The following MOB3B variants were observed in gnomAD, a reference collection of about 807,000 sequenced individuals.
MOB3B encodes MOB kinase activator-like 2B.
A neutral mutation model predicts 18.7 loss-of-function variants in MOB3B; 7 were observed. The ratio of observed to expected loss-of-function variants is 0.37; its 90% CI spans 0.21 to 0.70. The LOEUF is 0.70. Ranked by LOEUF, MOB3B falls within the 30% of genes least tolerant of loss-of-function variation. The probability of loss-of-function intolerance (pLI) is 0.52; values close to 1 mark genes in which losing one functional copy is unlikely to be tolerated. For missense variants in MOB3B, 253 were observed against 281.3 expected (o/e 0.90, Z 0.72); for synonymous variants, 111 against 99.9 (o/e 1.11, Z -0.66).
chr9:27,521,089 A>T (rs1820317514), intron 1 of MOB3B, among the ~76,000 whole-genome samples: 1 of 152,080 alleles, frequency 6.6e-6, no homozygotes, highest in Admixed American at 6.6e-5. Flanking sequence ...CTCTTGGGGA[A>T]CCCTAAGAAT....
rs56064443 is a variant in MOB3B, at chr9:27,357,121, A to AATATATATATATATATATATATATATAT, written c.621+1912_621+1913insATATATATATATATATATATATATATAT. On this transcript the variant is annotated intron_variant, in intron 3 of 3. Coordinates refer to ENST00000262244, the MANE Select transcript of MOB3B (RefSeq NM_024761.5). ...TGTTCCAGGACTACTGAGTAATGCA[A>AATATATATATATATATATATATATATAT]ATATATATATATATATATATATATG... Among the ~76,000 whole-genome samples the AATATATATATATATATATATATATATAT allele has an allele frequency of 1.4e-4, 9 of 62,900 alleles. No individual in the cohort carries two copies. In the East Asian group the frequency reaches 2.3e-3, roughly 16 times the overall value. The allele number at this position is 62,900 out of a possible 152,430, so 41.3% of individuals were successfully genotyped here.
At chr9:27,415,306 T>G (rs889507500) in intron 2 of MOB3B, among the ~76,000 whole-genome samples, 6 of 152,308 alleles carry the variant, frequency 3.9e-5, no homozygotes, top group African/African-American at 1.4e-4. Context: ...TTAGAAAAAT[T>G]ATAAAATATG....
rs1274845543 is a variant in MOB3B, at chr9:27,475,666, C to A, written c.-198-19918G>T. ...GTGACTTTTAAAAAATGGCAGATAT[C>A]GACATCCATTCCTGTAAACTCCAGA... On this transcript the variant is annotated intron_variant, in intron 1 of 3. Coordinates refer to ENST00000262244, the MANE Select transcript of MOB3B (RefSeq NM_024761.5). Among the ~76,000 whole-genome samples, 12 of 152,204 alleles carry A rather than the reference C, an allele frequency of 7.9e-5. 1 individual carries two copies. The highest frequency in any genetic ancestry group is 2.4e-4 in the African/African-American group (10 of 41,446).
intron 1 of MOB3B, among the ~76,000 whole-genome samples, chr9:27,504,355 A>G (rs958365850): frequency 1.3e-5 from 2 of 152,222 alleles, no homozygotes; most frequent in Admixed American, 1.3e-4. Context: ...AATGACACCC[A>G]TCCTACAACA....
chr9:27,405,716 A>G (rs1821958325), intron 2 of MOB3B, among the ~76,000 whole-genome samples: 5 of 152,222 alleles, frequency 3.3e-5, no homozygotes, highest in African/African-American at 1.2e-4. Context: ...CACAGATGCA[A>G]AAATCCTCAA....
At chr9:27,394,365 G>C (rs1359236202) in intron 2 of MOB3B, 1 of 151,974 alleles carries the variant, frequency 6.6e-6, no homozygotes, top group Non-Finnish European at 1.5e-5. Flanking sequence ...ATGTCAGGAA[G>C]TCTCTGTAAG....
intron 1 of MOB3B, among the ~76,000 whole-genome samples, chr9:27,493,961 T>C (rs1157066367): frequency 6.6e-6 from 1 of 152,052 alleles, no homozygotes; most frequent in Non-Finnish European, 1.5e-5. Flanking sequence ...GGGAGAAATA[T>C]CGCTGAATTA....
intron 2 of MOB3B, among the ~76,000 whole-genome samples, chr9:27,422,477 C>T (rs757547782): frequency 2.0e-5 from 3 of 152,116 alleles, no homozygotes; most frequent in Admixed American, 6.5e-5. Flanking sequence ...TTCTAGACAC[C>T]CTATGGAAGT....
intron 1 of MOB3B, among the ~76,000 whole-genome samples, chr9:27,505,937 C>T (rs1379554636): frequency 1.3e-5 from 2 of 152,226 alleles, no homozygotes; most frequent in African/African-American, 4.8e-5. Flanking sequence ...CAGGAAATAA[C>T]GTGTCACCAA....
intron 3 of MOB3B, among the ~76,000 whole-genome samples, chr9:27,357,319 T>A (rs1428307614): frequency 6.6e-6 from 1 of 151,184 alleles, no homozygotes; most frequent in East Asian, 2.0e-4. Context: ...AGGGGCCTTG[T>A]TGATCCTGGA....
chr9:27,340,876 C>T (rs1029289810), intron 3 of MOB3B, among the ~76,000 whole-genome samples: 12 of 152,270 alleles, frequency 7.9e-5, no homozygotes, highest in Admixed American at 7.8e-4. Flanking sequence ...GTCTGCCTCC[C>T]TCCTTCTCAT....
At chr9:27,495,071 G>A (rs1468050673) in intron 1 of MOB3B, among the ~76,000 whole-genome samples, 1 of 152,088 alleles carries the variant, frequency 6.6e-6, no homozygotes, top group Non-Finnish European at 1.5e-5. Context: ...GGCTCACAGT[G>A]TAATTCCAGC....
intron 2 of MOB3B, among the ~76,000 whole-genome samples, chr9:27,381,086 T>C (rs893719119): frequency 6.6e-6 from 1 of 152,122 alleles, no homozygotes; most frequent in African/African-American, 2.4e-5. Flanking sequence ...GCAGCTGAGA[T>C]CAGTATGCCT....
chr9:27,370,837 A>G (rs1177578090), intron 2 of MOB3B, among the ~76,000 whole-genome samples: 3 of 152,182 alleles, frequency 2.0e-5, no homozygotes, highest in African/African-American at 7.2e-5. Flanking sequence ...TACTTTTCCC[A>G]ACTCCAAGCA....
chr9:27,501,680 T>C (rs148853866), intron 1 of MOB3B, among the ~76,000 whole-genome samples: 64 of 150,112 alleles, frequency 4.3e-4, no homozygotes, highest in Non-Finnish European at 7.4e-4. Flanking sequence ...GGCAAGTGAA[T>C]CACTTGAACC....
chr9:27,496,281 G>A (rs1294191092), intron 1 of MOB3B, among the ~76,000 whole-genome samples: 1 of 148,796 alleles, frequency 6.7e-6, no homozygotes, highest in East Asian at 2.0e-4. Flanking sequence ...TTTATTGCCA[G>A]GAGATAGAAA....
At chr9:27,448,079 G>T (rs1029580036) in intron 2 of MOB3B, among the ~76,000 whole-genome samples, 2 of 152,108 alleles carry the variant, frequency 1.3e-5, no homozygotes, top group Admixed American at 1.3e-4. Context: ...ACTGCAACAG[G>T]CAGGGCAAGC....
intron 2 of MOB3B, among the ~76,000 whole-genome samples, chr9:27,379,513 G>T (rs1587167995): frequency 6.6e-6 from 1 of 152,094 alleles, no homozygotes; most frequent in African/African-American, 2.4e-5. Context: ...GTTCACAGAT[G>T]AGGAAACGAC....
chr9:27,490,814 T>G (rs1819804584), intron 1 of MOB3B, among the ~76,000 whole-genome samples: 1 of 152,180 alleles, frequency 6.6e-6, no homozygotes, highest in South Asian at 2.1e-4. Flanking sequence ...CTAGAATCAT[T>G]TTTAACATAA....
Sources: allele counts gnomAD v4.1 joint callset (sites outside exome capture counted in the v4.1 genomes callset), GRCh38; gene constraint gnomAD v4.1.1; transcripts MANE v1.5; gene names NCBI Gene and HGNC (gene_info 2026-07-23, HGNC 2026-07-21).